CADPS2: variants seen among roughly 807,000 people sequenced by gnomAD.
CADPS2 encodes the protein calcium-dependent secretion activator 2.
In CADPS2, 93 loss-of-function variants were observed where a neutral mutation model predicts 172.5. That is an observed-to-expected ratio of 0.54 (90% CI 0.46 to 0.64). CADPS2 has a LOEUF of 0.64. Ranked by LOEUF, CADPS2 falls within the 30% of genes least tolerant of loss-of-function variation. CADPS2 has a pLI of 0.00. For missense variants in CADPS2, 1,420 were observed against 1,565.9 expected, an observed-to-expected ratio of 0.91 and a Z score of 1.57; for synonymous variants, 546 against 555.2, an observed-to-expected ratio of 0.98 and a Z score of 0.23.
chr7:122,810,214 C>T (rs1376287865), intron 1 of CADPS2, among the ~76,000 whole-genome samples: 1 of 152,144 alleles, frequency 6.6e-6, no homozygotes, highest in African/African-American at 2.4e-5. Context: ...ATGATTTCTT[C>T]CTTCCCCAGA....
At chr7:122,877,923 A>G (rs1158338470) in intron 1 of CADPS2, among the ~76,000 whole-genome samples, 1 of 152,118 alleles carries the variant, frequency 6.6e-6, no homozygotes, top group Non-Finnish European at 1.5e-5. Flanking sequence ...TCACACGGTG[A>G]GTGAGTGAGA....
Position 122,820,565 on chromosome 7 carries a change from T to G in CADPS2, c.339+65434A>C, listed in dbSNP as rs867380241. Among the ~76,000 whole-genome samples the G allele has an allele frequency of 1.2e-4, 15 of 120,840 alleles. 1 individual carries two copies. Among genetic ancestry groups the G allele is most frequent in the East Asian group, 8.7e-4 (4 of 4,600 alleles). The allele number at this position is 120,840 out of a possible 152,430, so 79.3% of individuals were successfully genotyped here. A position where few individuals can be genotyped will look rare whatever the true frequency, so the allele number is the denominator to read the frequency against. On this transcript the variant is annotated intron_variant, in intron 1 of 29. Transcript: ENST00000449022. ...CTGTTTTTTGTTTTTTGTTTTTTTT[T>G]TTTTTTTTTTTTGAGACGGAGTCTC...
chr7:122,336,031 G>A (rs2035803763), intron 28 of CADPS2, among the ~76,000 whole-genome samples: 1 of 152,202 alleles, frequency 6.6e-6, no homozygotes. Flanking sequence ...AAATTTAGAT[G>A]ATGTGTTATC....
chr7:122,642,438 C>T (rs1197782019), intron 3 of CADPS2, among the ~76,000 whole-genome samples: 4 of 152,060 alleles, frequency 2.6e-5, no homozygotes. Context: ...GCAAATCTCC[C>T]TTTGCAGAAG....
intron 1 of CADPS2, among the ~76,000 whole-genome samples, chr7:122,762,029 TACAC>T (rs55789434): frequency 0.15 from 18,275 of 123,678 alleles, 1,591 homozygotes; most frequent in African/African-American, 0.24. Flanking sequence ...TATATATATA[TACAC>T]ACACACACAC....
chr7:122,789,072 G>A (rs894918373), intron 1 of CADPS2, among the ~76,000 whole-genome samples: 2 of 152,136 alleles, frequency 1.3e-5, no homozygotes, highest in African/African-American at 4.8e-5. Context: ...TCAGTGATGG[G>A]TGGCAGAGGA....
intron 2 of CADPS2, among the ~76,000 whole-genome samples, chr7:122,691,750 C>T (rs887109165): frequency 1.5e-4 from 23 of 152,296 alleles, no homozygotes; most frequent in African/African-American, 5.5e-4. Flanking sequence ...CACACAGTGG[C>T]ACCATCCCAG....
At chr7:122,588,411 C>T (rs1437557619) in intron 6 of CADPS2, among the ~76,000 whole-genome samples, 1 of 152,010 alleles carries the variant, frequency 6.6e-6, no homozygotes, top group Admixed American at 6.6e-5. Flanking sequence ...CAATTTTCTG[C>T]ATATGGCTAA....
chr7:122,509,425 C>A (rs548237702), intron 9 of CADPS2, among the ~76,000 whole-genome samples: 2 of 152,168 alleles, frequency 1.3e-5, no homozygotes, highest in Admixed American at 6.5e-5. Flanking sequence ...ACATCAACAA[C>A]AAGCAGTGAA....
chr7:122,758,802 A>C (rs1272348445), intron 1 of CADPS2, among the ~76,000 whole-genome samples: 1 of 152,136 alleles, frequency 6.6e-6, no homozygotes. Context: ...GGGGATTAAA[A>C]ACCAAAGTGA....
intron 3 of CADPS2, among the ~76,000 whole-genome samples, chr7:122,650,673 G>A (rs2079060034): frequency 6.6e-6 from 1 of 152,154 alleles, no homozygotes; most frequent in African/African-American, 2.4e-5. Context: ...TCTTCCACAT[G>A]TAAGCCAAAG....
At chr7:122,606,650 G>A (rs994240620) in intron 6 of CADPS2, among the ~76,000 whole-genome samples, 5 of 152,082 alleles carry the variant, frequency 3.3e-5, no homozygotes, top group Non-Finnish European at 7.3e-5. Flanking sequence ...GAGACCGACT[G>A]AGAGGCTTTT....
chr7:122,531,198 C>T (rs2061722200), intron 8 of CADPS2, among the ~76,000 whole-genome samples: 1 of 152,116 alleles, frequency 6.6e-6, no homozygotes, highest in South Asian at 2.1e-4. Flanking sequence ...AGCATAAAGA[C>T]TTTCAGAAGT....
intron 18 of CADPS2, 53 bp from the exon 19 acceptor site, chr7:122,414,129 T>C: frequency 1.4e-6 from 2 of 1,404,428 alleles, no homozygotes; most frequent in Non-Finnish European, 1.9e-6. Flanking sequence ...ATTGCCATAG[T>C]GTTACAAAAC....
At chr7:122,345,230 AT>A (rs1327599787) in intron 28 of CADPS2, among the ~76,000 whole-genome samples, 5 of 152,106 alleles carry the variant, frequency 3.3e-5, no homozygotes, top group African/African-American at 1.2e-4. Flanking sequence ...GGCTCAAGCG[AT>A]TCTTGTGCTG....
At position 122,621,596 on chromosome 7, in the gene CADPS2, G is replaced by A. The variant is rs772668227; in HGVS notation, c.989C>T (p.Pro330Leu). Residue 330 changes from proline to leucine, a missense_variant, in exon 5 of 30, where the codon CCG becomes CTG. Transcript: ENST00000449022. ...TTTTAATTTTTGTAATTTAAATTCC[G>A]GACCACCTTTCGAAACTGGAAGACT... ...LESLPVSKGG[P>L]EFKLQKLKRS... The A allele has an allele frequency of 1.5e-5, 25 of 1,613,434 alleles. No homozygotes were observed. Among genetic ancestry groups the A allele is most frequent in the African/African-American group, 1.1e-4 (8 of 74,824 alleles).
At chr7:122,779,460 C>A (rs1444829549) in intron 1 of CADPS2, among the ~76,000 whole-genome samples, 1 of 152,142 alleles carries the variant, frequency 6.6e-6, no homozygotes, top group Non-Finnish European at 1.5e-5. Context: ...TCATATCATA[C>A]CCACAGACAT....
At chr7:122,608,538 T>C (rs2073887560) in intron 6 of CADPS2, among the ~76,000 whole-genome samples, 1 of 152,180 alleles carries the variant, frequency 6.6e-6, no homozygotes, top group Non-Finnish European at 1.5e-5. Flanking sequence ...CAGAAGTTGG[T>C]ACTGGAGACT....
At chr7:122,877,014 T>C (rs760423235) in intron 1 of CADPS2, among the ~76,000 whole-genome samples, 18 of 152,060 alleles carry the variant, frequency 1.2e-4, no homozygotes, top group Non-Finnish European at 2.1e-4. Context: ...CTTATGAACA[T>C]ACATGTAAAA....
Sources: gnomAD v4.1 joint callset for allele counts (sites outside exome capture counted in the v4.1 genomes callset) on GRCh38, gnomAD v4.1.1 for gene constraint, MANE v1.5 for transcripts, NCBI Gene and HGNC (gene_info 2026-07-23, HGNC 2026-07-21) for gene names.